Variants in DLGAP4 observed in about 807,000 individuals in gnomAD.
DLGAP4 encodes the protein DLG associated protein 4.
In DLGAP4, 18 loss-of-function variants were observed where a neutral mutation model predicts 86.9. The observed-to-expected ratio is 0.21, with a 90% CI of 0.14 to 0.31. The LOEUF (loss-of-function observed/expected upper bound fraction) is 0.31. Among genes scored for constraint, DLGAP4 ranks in the 10% least tolerant of loss-of-function variants. The pLI is 1.00. For missense variants in DLGAP4, 1,085 were observed against 1,362.6 expected (o/e 0.80, Z 3.21); for synonymous variants, 548 against 574.3 (o/e 0.95, Z 0.65).
chr20:36,340,179 G>A (rs1031336453), intron 1 of DLGAP4, among the ~76,000 whole-genome samples: 8 of 152,102 alleles, frequency 5.3e-5, no homozygotes, highest in East Asian at 1.9e-4. Context: ...GTATGAGTGC[G>A]GTAGGAGGGG....
rs1321997560 is a variant in DLGAP4 at position 36,432,535 on chromosome 20, C to A, written c.818C>A (p.Pro273His). ...ACTGCCCCACCACCCCCGCCCGCAC[C>A]CCCAGCCACCTGCCCCAGCCTTGGG... ...ELTAPPPPPA[P>H]PATCPSLGVG... Residue 273 changes from proline (P) to histidine (H), a missense_variant, in exon 3 of 13, where the codon CCC becomes CAC. Physicochemically the swap from Pro to His is moderately conservative, Grantham distance 77 (BLOSUM62 -2). This residue lies in a region of DLGAP4 where 1,082 missense variants were observed against 1,344.1 expected (regional missense o/e 0.81). Transcript: ENST00000339266. The surrounding 1 kb of genome is among the most constrained non-coding windows in gnomAD (Gnocchi z 6.5). The A allele has an allele frequency of 1.9e-6, 3 of 1,607,322 alleles. No individual in the cohort carries two copies. Among genetic ancestry groups the A allele is most frequent in the African/African-American group, 2.7e-5 (2 of 74,812 alleles).
At chr20:36,311,837 G>A (rs1431324358) in intron 1 of DLGAP4, among the ~76,000 whole-genome samples, 1 of 152,218 alleles carries the variant, frequency 6.6e-6, no homozygotes, top group Non-Finnish European at 1.5e-5. Flanking sequence ...GGCTTTGGAC[G>A]TAAGTCAGTT....
rs145598849 is a variant in DLGAP4, at chr20:36,525,793, G to C, written c.2605-58G>C. ...AGGAACCCTGCTTGTTGGGGGGTTG[G>C]GGGGAGCAGGACAAGCCTCTGCTGA... On this transcript the variant is annotated intron_variant, in intron 11 of 12. Coordinates refer to ENST00000339266, the MANE Select transcript of DLGAP4 (RefSeq NM_001365621.2). The C allele has an allele frequency of 1.2e-3, 1,864 of 1,598,374 alleles. 20 individuals are homozygous for C. In the African/African-American group the frequency reaches 0.021, roughly 18 times the overall value.
chr20:36,490,147 C>T (rs1013129136), intron 7 of DLGAP4, among the ~76,000 whole-genome samples: 3 of 152,080 alleles, frequency 2.0e-5, no homozygotes, highest in Admixed American at 6.5e-5. Context: ...TGTGAGCCTC[C>T]GCGCCCGGCC....
chr20:36,522,574 G>A (rs911309437), intron 10 of DLGAP4, among the ~76,000 whole-genome samples: 2 of 152,202 alleles, frequency 1.3e-5, no homozygotes, highest in African/African-American at 2.4e-5. Context: ...ACGCTGGAGC[G>A]TAGTGGGCGT....
chr20:36,470,688 A>G (rs914846356), intron 7 of DLGAP4, among the ~76,000 whole-genome samples: 1 of 152,088 alleles, frequency 6.6e-6, no homozygotes, highest in East Asian at 1.9e-4. Flanking sequence ...ACGTGCAGCT[A>G]TTGTCAGTAA....
At chr20:36,474,270 A>G (rs543272441) in intron 7 of DLGAP4, among the ~76,000 whole-genome samples, 1 of 152,288 alleles carries the variant, frequency 6.6e-6, no homozygotes, top group South Asian at 2.1e-4. Flanking sequence ...TGCCAAGTGC[A>G]GGGCTCTTAT....
At chr20:36,450,431 G>A (rs2033706919) in intron 7 of DLGAP4, among the ~76,000 whole-genome samples, 2 of 152,124 alleles carry the variant, frequency 1.3e-5, no homozygotes, top group African/African-American at 4.8e-5. Context: ...CCGGGAGGTG[G>A]AGGTTGCAGT....
intron 7 of DLGAP4, among the ~76,000 whole-genome samples, chr20:36,472,339 A>G (rs1315278909): frequency 6.6e-6 from 1 of 151,906 alleles, no homozygotes; most frequent in Non-Finnish European, 1.5e-5. Flanking sequence ...CCGTCTCTAT[A>G]AAAAAATACA....
At chr20:36,476,422 G>A (rs2034930047) in intron 7 of DLGAP4, among the ~76,000 whole-genome samples, 1 of 143,576 alleles carries the variant, frequency 7.0e-6, no homozygotes, top group Admixed American at 7.3e-5. Context: ...CCACCTCCCA[G>A]GTTCAAGCAA....
chr20:36,501,509 T>C (rs965681441), intron 10 of DLGAP4, among the ~76,000 whole-genome samples: 1 of 152,338 alleles, frequency 6.6e-6, no homozygotes. Context: ...CCTTGAGAAA[T>C]TAGTTCAAGA....
intron 7 of DLGAP4, among the ~76,000 whole-genome samples, chr20:36,495,435 A>G (rs1354882343): frequency 6.6e-6 from 1 of 152,190 alleles, no homozygotes. Flanking sequence ...GGCCCAGACC[A>G]GGGTAGGGGC....
chr20:36,320,267 C>A (rs2065154988), intron 1 of DLGAP4, among the ~76,000 whole-genome samples: 2 of 150,858 alleles, frequency 1.3e-5, no homozygotes, highest in South Asian at 4.2e-4. Context: ...CCCTTTATCC[C>A]CTCCTCTAAG....
intron 2 of DLGAP4, among the ~76,000 whole-genome samples, chr20:36,417,910 G>T (rs759991966): frequency 6.6e-5 from 10 of 150,834 alleles, no homozygotes; most frequent in Non-Finnish European, 1.2e-4. Flanking sequence ...TCAGCCTCCC[G>T]AGCAGCTGGG....
At chr20:36,415,322 C>T (rs988330897) in intron 2 of DLGAP4, among the ~76,000 whole-genome samples, 3 of 151,970 alleles carry the variant, frequency 2.0e-5, no homozygotes, top group African/African-American at 4.8e-5. Context: ...GTCCAGAGAG[C>T]GCTGGCCTAG....
intron 7 of DLGAP4, chr20:36,461,805 C>T: frequency 1.0e-6 from 1 of 979,280 alleles, no homozygotes; most frequent in Non-Finnish European, 1.2e-6. Context: ...AGTCCTCCAG[C>T]CCGTGTCCCC....
intron 7 of DLGAP4, among the ~76,000 whole-genome samples, chr20:36,491,911 AG>A (rs2035681403): frequency 6.6e-6 from 1 of 152,244 alleles, no homozygotes; most frequent in Non-Finnish European, 1.5e-5. Context: ...TTGTCAGGAC[AG>A]AGTTCCCTCA....
At chr20:36,367,569 C>A (rs925721661) in intron 2 of DLGAP4, among the ~76,000 whole-genome samples, 1 of 152,200 alleles carries the variant, frequency 6.6e-6, no homozygotes, top group Non-Finnish European at 1.5e-5. Flanking sequence ...ACCTCAAAGG[C>A]CAGCTCTTGC....
rs758002431 is a variant in DLGAP4, at chr20:36,484,344, G to A, written c.1649-12361G>A. Among the ~76,000 whole-genome samples, 38 of 152,202 alleles carry A rather than the reference G, an allele frequency of 2.5e-4. 1 individual carries two copies. The highest frequency in any genetic ancestry group is 8.5e-4 in the Admixed American group (13 of 15,288). ...GACTGTGGGTGTGCCTAGAAGCATC[G>A]CTTAACCTCTTCTCTGACTCCTGTG... On this transcript the variant is annotated intron_variant, in intron 7 of 12. Transcript: ENST00000339266.
Sources: gnomAD v4.1 joint callset for allele counts (sites outside exome capture counted in the v4.1 genomes callset) on GRCh38, gnomAD v4.1.1 for gene constraint, gnomAD v4.1.1 regional missense constraint, Gnocchi (gnomAD v3.1) non-coding constraint, MANE v1.5 for transcripts, NCBI Gene and HGNC (gene_info 2026-07-23, HGNC 2026-07-21) for gene names.